Variants in TENM3 observed in about 807,000 individuals in gnomAD.
The protein encoded by TENM3 is teneurin-3.
TENM3 carries 63 observed loss-of-function variants against 255.1 expected under a neutral mutation model. The ratio of observed to expected loss-of-function variants is 0.25; its 90% CI spans 0.20 to 0.30. The LOEUF is 0.30. Ranked by LOEUF, TENM3 falls within the 10% of genes least tolerant of loss-of-function variation. TENM3 has a pLI of 1.00. For synonymous variants in TENM3, 1,306 were observed against 1,322.3 expected, an observed-to-expected ratio of 0.99 and a Z score of 0.27; for missense variants, 2,929 against 3,461.1, an observed-to-expected ratio of 0.85 and a Z score of 3.86.
chr4:182,383,073 C>T (rs1767678575), intron 3 of TENM3, among the ~76,000 whole-genome samples: 2 of 152,274 alleles, frequency 1.3e-5, no homozygotes, highest in South Asian at 4.1e-4. Flanking sequence ...GGAGAGACAT[C>T]AGGCTCAACC....
the TENM3 span, among the ~76,000 whole-genome samples, chr4:181,849,930 T>TTCTCTCTCTC: frequency 1.6e-3 from 132 of 84,076 alleles, 6 homozygotes; most frequent in African/African-American, 2.5e-3. Flanking sequence ...CTCTCTCTCT[T>TTCTCTCTCTC]TCTCTCTCTC....
chr4:182,687,230 A>G (rs1208711901), intron 11 of TENM3, among the ~76,000 whole-genome samples: 1 of 152,194 alleles, frequency 6.6e-6, no homozygotes. Flanking sequence ...AAAACTAATC[A>G]ATAGTCTTAG....
the TENM3 span, among the ~76,000 whole-genome samples, chr4:181,667,209 A>G: frequency 2.6e-5 from 4 of 152,188 alleles, no homozygotes; most frequent in Non-Finnish European, 5.9e-5. Context: ...TCAGGACATC[A>G]CTGATGAGGT....
At chr4:182,332,552 G>A (rs926703394) in intron 2 of TENM3, among the ~76,000 whole-genome samples, 2 of 152,026 alleles carry the variant, frequency 1.3e-5, no homozygotes, top group African/African-American at 4.8e-5. Context: ...AAACTAGCTG[G>A]GCGTGGTGGT....
intron 1 of TENM3, among the ~76,000 whole-genome samples, chr4:182,194,052 G>C (rs1431612171): frequency 1.3e-5 from 2 of 152,080 alleles, no homozygotes. Context: ...GTGCACCATT[G>C]CTCAGGATTA....
chr4:182,743,633 A>G (rs550880869), intron 19 of TENM3, among the ~76,000 whole-genome samples: 9 of 152,318 alleles, frequency 5.9e-5, no homozygotes, highest in East Asian at 1.9e-4. Context: ...AAGTCACCCA[A>G]TATATCAAAT....
At chr4:182,605,485 T>A (rs67032210) in intron 4 of TENM3, among the ~76,000 whole-genome samples, 26,543 of 142,374 alleles carry the variant, frequency 0.19, 2,935 homozygotes, top group South Asian at 0.29. Flanking sequence ...ATCATTTATT[T>A]AAAAAAAAAA....
the TENM3 span, among the ~76,000 whole-genome samples, chr4:181,699,347 C>T: frequency 3.5e-5 from 5 of 143,072 alleles, no homozygotes; most frequent in African/African-American, 5.1e-5. Flanking sequence ...AGGGGGATCC[C>T]AGAAGCTTGA....
At chr4:182,014,071 CACATATAT>C in the TENM3 span, among the ~76,000 whole-genome samples, 1 of 69,802 alleles carries the variant, frequency 1.4e-5, no homozygotes, top group Admixed American at 1.3e-4. Flanking sequence ...TACGTATATA[CACATATAT>C]ACGTATATAT....
Position 182,236,539 on chromosome 4 carries a change from T to A in TENM3, c.-75-87407T>A, listed in dbSNP as rs559676342. ...ACTTCTATTTCACATGATTTTGTAGTGGACCATACAAACTTGTTTTTCCCA... is the reference window on the plus strand; with the variant it reads ...ACTTCTATTTCACATGATTTTGTAGAGGACCATACAAACTTGTTTTTCCCA... On this transcript the variant is annotated intron_variant, in intron 1 of 2. Transcript: ENST00000512480. Among the ~76,000 whole-genome samples the A allele has an allele frequency of 2.0e-5, 3 of 152,366 alleles. No homozygotes were observed. In the East Asian group the frequency reaches 5.8e-4, roughly 29 times the overall value.
the TENM3 span, among the ~76,000 whole-genome samples, chr4:181,545,363 G>C: frequency 6.6e-6 from 1 of 152,234 alleles, no homozygotes; most frequent in African/African-American, 2.4e-5. Flanking sequence ...TAGCCATTTT[G>C]TTTCTTGAGT....
chr4:181,947,676 C>A, the TENM3 span, among the ~76,000 whole-genome samples: 14 of 152,104 alleles, frequency 9.2e-5, no homozygotes, highest in African/African-American at 3.4e-4. Context: ...GATAGTTGCA[C>A]CTATTTTGAT....
chr4:181,771,616 T>C, the TENM3 span, among the ~76,000 whole-genome samples: 1 of 152,228 alleles, frequency 6.6e-6, no homozygotes, highest in East Asian at 1.9e-4. Context: ...CTGTCTTTGA[T>C]TAGGAACCAA....
At chr4:182,568,155 G>T (rs1743987649) in intron 3 of TENM3, among the ~76,000 whole-genome samples, 1 of 152,176 alleles carries the variant, frequency 6.6e-6, no homozygotes, top group Non-Finnish European at 1.5e-5. Flanking sequence ...CTACCTTCAA[G>T]CTGTACTGCG....
the TENM3 span, among the ~76,000 whole-genome samples, chr4:181,466,078 T>C: frequency 6.6e-6 from 1 of 151,838 alleles, no homozygotes; most frequent in Non-Finnish European, 1.5e-5. Context: ...GGGTGGATAA[T>C]GCCTATGTGG....
At chr4:182,009,544 A>G in the TENM3 span, among the ~76,000 whole-genome samples, 1 of 152,198 alleles carries the variant, frequency 6.6e-6, no homozygotes, top group South Asian at 2.1e-4. Flanking sequence ...TGTGGGGACA[A>G]GTCTTGGGAC....
At chr4:182,709,893 T>C (rs752241954) in intron 12 of TENM3, among the ~76,000 whole-genome samples, 1 of 152,228 alleles carries the variant, frequency 6.6e-6, no homozygotes, top group Non-Finnish European at 1.5e-5. Context: ...TTAAGTATTA[T>C]GTTAATTTTG....
chr4:182,108,212 G>A, the TENM3 span, among the ~76,000 whole-genome samples: 2 of 152,068 alleles, frequency 1.3e-5, no homozygotes, highest in Non-Finnish European at 2.9e-5. Flanking sequence ...CTTACCCACA[G>A]CCTCATAGCC....
chr4:182,640,224 T>C (rs11947723), intron 5 of TENM3, among the ~76,000 whole-genome samples: 3,240 of 152,234 alleles, frequency 0.021, 124 homozygotes, highest in African/African-American at 0.074. Flanking sequence ...AAAAAAGAAG[T>C]ATATAAATGT....
Sources: allele counts gnomAD v4.1 joint callset (sites outside exome capture counted in the v4.1 genomes callset), GRCh38; gene constraint gnomAD v4.1.1; transcripts MANE v1.5; gene names NCBI Gene and HGNC (gene_info 2026-07-23, HGNC 2026-07-21).